The following HMGA1 variants were observed in gnomAD, a reference collection of about 807,000 sequenced individuals.
HMGA1 encodes high mobility group protein HMG-I/HMG-Y.
Under a neutral mutation model 15.1 loss-of-function variants are expected in HMGA1, and 1 was observed. The ratio of observed to expected loss-of-function variants is 0.07; its 90% confidence interval spans 0.02 to 0.31. The LOEUF is 0.31. Ranked by LOEUF, HMGA1 falls within the 10% of genes least tolerant of loss-of-function variation. HMGA1 has a pLI of 1.00. For missense variants in HMGA1, 94 were observed against 141.4 expected (o/e 0.66, Z 1.70); for synonymous variants, 56 against 54.8 (o/e 1.02, Z -0.10).
At chr6:34,242,941 G>A (rs1762419070) in intron 4 of HMGA1, 146 bp downstream of exon 4, 1 of 704,136 alleles carries the variant, frequency 1.4e-6, no homozygotes, top group Non-Finnish European at 2.6e-6. Context: ...GGATGGCAGT[G>A]AGTCTTTGCT....
chr6:34,245,115 C>T lies in HMGA1; in HGVS notation c.*231C>T. ...GCAGTTTTCCCCTGGCCTCAGTTCC[C>T]AGCTCCCCCCGCCCACCCACGCATA... On this transcript the variant is annotated 3_prime_UTR_variant, in exon 6 of 6. Transcript: ENST00000311487. 6.6e-7 allele frequency: 1 copy of T among 1,506,522 alleles called. No individual in the cohort carries two copies. The highest frequency in any genetic ancestry group is 8.9e-7 in the Non-Finnish European group (1 of 1,127,314). 93.3% of individuals were successfully genotyped at this position (1,506,522 alleles called of 1,614,324 possible). A position where few individuals can be genotyped will look rare whatever the true frequency, so the allele number is the denominator to read the frequency against.
At chr6:34,244,703 A>AGACCTGTG in intron 5 of HMGA1, 128 bp from the exon 6 acceptor site, 1 of 776,564 alleles carries the variant, frequency 1.3e-6, no homozygotes, top group South Asian at 1.5e-5. Context: ...TGAGTCACCC[A>AGACCTGTG]CACACTCAGC....
At chr6:34,239,958 C>T (rs1425113995) in intron 2 of HMGA1, among the ~76,000 whole-genome samples, 1 of 151,992 alleles carries the variant, frequency 6.6e-6, no homozygotes, top group Non-Finnish European at 1.5e-5. Context: ...ATTCCCTACC[C>T]ATCTGACAAA....
chr6:34,240,356 A>G (rs1042036365), intron 2 of HMGA1, among the ~76,000 whole-genome samples: 4 of 152,130 alleles, frequency 2.6e-5, no homozygotes, highest in Non-Finnish European at 5.9e-5. Flanking sequence ...TTGACTACAG[A>G]AGGAGGGGAT....
chr6:34,237,137 G>C (rs973239242), intron 1 of HMGA1, 67 bp from the exon 2 acceptor site: 1 of 151,066 alleles, frequency 6.6e-6, no homozygotes, highest in Non-Finnish European at 1.5e-5. Flanking sequence ...AATACCCCGC[G>C]GGGGCCTGGG....
chr6:34,245,106 C>T lies in HMGA1; in HGVS notation c.*222C>T, dbSNP rs1223477780. 11 of 1,514,120 alleles carry T rather than the reference C, an allele frequency of 7.3e-6. No homozygotes were observed. In the South Asian group the frequency reaches 1.1e-4, roughly 15 times the overall value. The allele number at this position is 1,514,120 out of a possible 1,614,324, so 93.8% of individuals were successfully genotyped here. A position where few individuals can be genotyped will look rare whatever the true frequency, so the allele number is the denominator to read the frequency against. ...GAGTGGGGAGCAGTTTTCCCCTGGC[C>T]TCAGTTCCCAGCTCCCCCCGCCCAC... On this transcript the variant is annotated 3_prime_UTR_variant, in exon 6 of 6. Transcript: ENST00000311487.
chr6:34,238,098 C>T (rs1447244365), intron 2 of HMGA1, among the ~76,000 whole-genome samples: 4 of 152,306 alleles, frequency 2.6e-5, no homozygotes, highest in South Asian at 2.1e-4. Context: ...AGGGGGCTTT[C>T]TTCCTCTCCC....
intron 5 of HMGA1, 36 bp downstream of exon 5, chr6:34,243,554 G>T (rs1437853724): frequency 6.8e-7 from 1 of 1,476,576 alleles, no homozygotes; most frequent in Non-Finnish European, 9.1e-7. Flanking sequence ...TGCCTCCTGG[G>T]CTCTTTTGAG....
In HMGA1 at chr6:34,244,870, G is replaced by C; in HGVS notation, c.310G>C (p.Glu104Gln). The C allele has an allele frequency of 6.4e-7, 1 of 1,564,092 alleles. No homozygotes were observed. The change falls in exon 6 of 6, where the codon GAG becomes CAG. Residue 104 changes from glutamate (E) to glutamine (Q), a missense_variant. Transcript: ENST00000311487. ...EEEGISQESS[E>Q]EEQ is the part of the protein sequence containing the mutation. ...GGAGGGCATCTCGCAGGAGTCCTCG[G>C]AGGAGGAGCAGTGACCCATGCGTGC... is the stretch of plus-strand genomic sequence containing the variant.
At position 34,240,798 on chromosome 6, in the gene HMGA1, G is replaced by A. The variant is rs376817030; in HGVS notation, c.18G>A (p.Ser6=). The A allele has an allele frequency of 4.8e-5, 78 of 1,612,530 alleles. No individual in the cohort carries two copies. In the Middle Eastern group the frequency reaches 1.4e-3, roughly 29 times the overall value. ...AAGGGAAGATGAGTGAGTCGAGCTC[G>A]AAGTCCAGCCAGCCCTTGGCCTCCA... is the stretch of plus-strand genomic sequence containing the variant. MSESS[S]KSSQPLASKQ... Residue 6 remains serine (S), a synonymous_variant, in exon 3 of 6, where the codon TCG becomes TCA. Transcript: ENST00000311487.
intron 2 of HMGA1, among the ~76,000 whole-genome samples, chr6:34,238,032 C>T (rs1160529133): frequency 6.6e-6 from 1 of 152,150 alleles, no homozygotes; most frequent in Admixed American, 6.5e-5. Flanking sequence ...CCTTTGACTC[C>T]CCGTTTCTAT....
chr6:34,243,666 G>C, intron 5 of HMGA1, 148 bp downstream of exon 5: 3 of 761,452 alleles, frequency 3.9e-6, no homozygotes, highest in South Asian at 1.5e-5. Context: ...CCAGAGAGGG[G>C]AAGGTACCTG....
intron 3 of HMGA1, 41 bp from the exon 4 acceptor site, chr6:34,242,671 C>G (rs575519867): frequency 2.2e-6 from 3 of 1,386,652 alleles, no homozygotes; most frequent in East Asian, 2.5e-5. Flanking sequence ...GGGGTGGAAA[C>G]AGGTGATGAC....
chr6:34,241,034 C>T lies in HMGA1; in HGVS notation c.135+119C>T, dbSNP rs957260890. The T allele has an allele frequency of 3.0e-5, 36 of 1,182,630 alleles. No homozygotes were observed. In the African/African-American group the frequency reaches 3.3e-4, roughly 11 times the overall value. 73.3% of individuals were successfully genotyped at this position (1,182,630 alleles called of 1,614,324 possible). A position where few individuals can be genotyped will look rare whatever the true frequency, so the allele number is the denominator to read the frequency against. ...GTGCAGAATGATTCTGCGCAGTAAG[C>T]GTGTGGGTGTGTCCTCCCACCTGTG... On this transcript the variant is annotated intron_variant, in intron 3 of 5. Coordinates refer to ENST00000311487, the MANE Select transcript of HMGA1 (RefSeq NM_145899.3).
chr6:34,242,657 T>C, intron 3 of HMGA1, 55 bp from the exon 4 acceptor site: 1 of 1,254,004 alleles, frequency 8.0e-7, no homozygotes, highest in Non-Finnish European at 1.1e-6. Flanking sequence ...CTGTGTCTTC[T>C]GAGGGGGTGG....
intron 2 of HMGA1, among the ~76,000 whole-genome samples, chr6:34,240,353 C>T (rs1458739796): frequency 1.3e-5 from 2 of 152,186 alleles, no homozygotes; most frequent in Non-Finnish European, 2.9e-5. Context: ...CAGTTGACTA[C>T]AGAAGGAGGG....
intron 2 of HMGA1, chr6:34,238,922 C>T (rs1368926699): frequency 2.6e-5 from 4 of 152,208 alleles, no homozygotes; most frequent in Non-Finnish European, 4.4e-5. Context: ...ACTGGAACCC[C>T]CTCGATGAGG....
At chr6:34,240,145 G>C (rs187003600) in intron 2 of HMGA1, among the ~76,000 whole-genome samples, 3 of 152,196 alleles carry the variant, frequency 2.0e-5, no homozygotes, top group East Asian at 1.9e-4. Flanking sequence ...ACAGAGAAGA[G>C]AGCTGGTGGT....
rs1762645023 is a variant in HMGA1 at position 34,245,184 on chromosome 6, A to T, written c.*300A>T. On this transcript the variant is annotated 3_prime_UTR_variant, in exon 6 of 6. Coordinates refer to ENST00000311487, the MANE Select transcript of HMGA1 (RefSeq NM_145899.3). ...CAAGGCTAACATCCCACTTAGCCGC[A>T]CCCTGCACCTGCTGCGTCCCCACTC... 1 of 1,429,192 alleles carries T rather than the reference A, an allele frequency of 7.0e-7. No individual in the cohort carries two copies. The highest frequency in any genetic ancestry group is 1.4e-5 in the African/African-American group (1 of 70,666). The allele number at this position is 1,429,192 out of a possible 1,614,324, so 88.5% of individuals were successfully genotyped here.
Sources: allele counts gnomAD v4.1 joint callset (sites outside exome capture counted in the v4.1 genomes callset), GRCh38; gene constraint gnomAD v4.1.1; transcripts MANE v1.5; gene names NCBI Gene and HGNC (gene_info 2026-07-23, HGNC 2026-07-21).